The following CFTR variants were observed in gnomAD, a reference collection of about 807,000 sequenced individuals.
CFTR encodes the protein cystic fibrosis transmembrane conductance regulator.
CFTR carries 181 observed loss-of-function variants against 171.6 expected under a neutral mutation model. That is an observed-to-expected ratio of 1.05 (90% CI 0.93 to 1.19). The LOEUF is 1.19. Among genes scored for constraint, CFTR ranks in the 50% most tolerant of loss-of-function variants. CFTR has a pLI of 0.00. For synonymous variants in CFTR, 583 were observed against 608.0 expected (o/e 0.96, Z 0.60); for missense variants, 1,968 against 1,734.7 (o/e 1.13, Z -2.39).
At chr7:117,658,324 C>G (rs1793213573) in intron 24 of CFTR, among the ~76,000 whole-genome samples, 1 of 151,966 alleles carries the variant, frequency 6.6e-6, no homozygotes, top group African/African-American at 2.4e-5. Context: ...TAAAATGGGC[C>G]CAGCGCAGTG....
At chr7:117,486,856 G>A (rs187659741) in intron 1 of CFTR, among the ~76,000 whole-genome samples, 9 of 145,358 alleles carry the variant, frequency 6.2e-5, no homozygotes, top group Admixed American at 5.6e-4. Context: ...CTGAAAGAGT[G>A]GCCATGGTGG....
chr7:117,665,429 A>G lies in CFTR; in HGVS notation c.4137-30A>G, dbSNP rs772845434. On this transcript the variant is annotated intron_variant, in intron 25 of 26. Coordinates refer to ENST00000003084, the MANE Select transcript of CFTR (RefSeq NM_000492.4). ...ATACAGATCATTACTGTTCTGTGAT[A>G]TTATGTGTGGTATTTTCTTTCTTTT... 6.6e-6 allele frequency: 8 copies of G among 1,212,142 alleles called. No homozygotes were observed. In the East Asian group the frequency reaches 1.9e-4, roughly 28 times the overall value. The allele number at this position is 1,212,142 out of a possible 1,614,324, so 75.1% of individuals were successfully genotyped here.
At chr7:117,519,797 T>A (rs1203064762) in intron 3 of CFTR, among the ~76,000 whole-genome samples, 1 of 152,002 alleles carries the variant, frequency 6.6e-6, no homozygotes, top group Non-Finnish European at 1.5e-5. Context: ...CATGATTTAT[T>A]TAATCAGTTC....
rs1466453517 is a variant in CFTR at position 117,603,755 on chromosome 7, A to G, written c.2881A>G (p.Met961Val). Reference protein sequence around the residue: ...KMLHSVLQAPMSTLNTLKAGG... With the variant: ...KMLHSVLQAPVSTLNTLKAGG... ...GTTACATTCTGTTCTTCAAGCACCT[A>G]TGTCAACCCTCAACACGTTGAAAGC... Residue 961 changes from methionine to valine, a missense_variant, in exon 17 of 27, where the codon ATG becomes GTG. Coordinates refer to ENST00000003084, the MANE Select transcript of CFTR (RefSeq NM_000492.4). 6 of 1,613,990 alleles carry G rather than the reference A, an allele frequency of 3.7e-6. No individual in the cohort carries two copies. Among genetic ancestry groups the G allele is most frequent in the Non-Finnish European group, 5.1e-6 (6 of 1,179,910 alleles).
At chr7:117,500,955 C>G (rs1798316730) in intron 1 of CFTR, among the ~76,000 whole-genome samples, 1 of 152,126 alleles carries the variant, frequency 6.6e-6, no homozygotes, top group Admixed American at 6.5e-5. Flanking sequence ...AAAAGCAGCT[C>G]ACAAATTGTG....
intron 3 of CFTR, among the ~76,000 whole-genome samples, chr7:117,522,529 C>T (rs1202785918): frequency 2.0e-5 from 3 of 152,114 alleles, no homozygotes; most frequent in African/African-American, 7.2e-5. Flanking sequence ...TTGAAGTGAG[C>T]CATTAAGTGA....
At chr7:117,596,346 A>G (rs1274822989) in intron 15 of CFTR, among the ~76,000 whole-genome samples, 1 of 152,214 alleles carries the variant, frequency 6.6e-6, no homozygotes, top group Non-Finnish European at 1.5e-5. Context: ...CCTGCGGGGC[A>G]GGGCTCGGGA....
chr7:117,618,362 AC>A (rs1054910238), intron 21 of CFTR, among the ~76,000 whole-genome samples: 2 of 151,860 alleles, frequency 1.3e-5, no homozygotes, highest in African/African-American at 4.8e-5. Context: ...GGTGGCATGC[AC>A]CCAGCTACTT....
chr7:117,564,264 G>A (rs1791563816), intron 11 of CFTR, among the ~76,000 whole-genome samples: 1 of 152,186 alleles, frequency 6.6e-6, no homozygotes, highest in Non-Finnish European at 1.5e-5. Context: ...GACAGCACGT[G>A]ATTGCTGGGA....
chr7:117,510,355 T>C (rs990948452), intron 3 of CFTR, among the ~76,000 whole-genome samples: 7 of 152,190 alleles, frequency 4.6e-5, no homozygotes, highest in South Asian at 2.1e-4. Context: ...TTTTAGAAAA[T>C]AAGTTTTGCT....
chr7:117,617,574 CT>C (rs920059278), intron 21 of CFTR, among the ~76,000 whole-genome samples: 2 of 151,762 alleles, frequency 1.3e-5, no homozygotes, highest in Non-Finnish European at 2.9e-5. Flanking sequence ...TTTATTATAT[CT>C]TTTTTTAAAA....
Position 117,588,843 on chromosome 7 carries a change from C to G in CFTR, c.1679+1010C>G, listed in dbSNP as rs192437351. ...CAGTTTGAACCAGGTCCTTTTGATT[C>G]TTTACATTAAACCATGCTTTGATCT... On this transcript the variant is annotated intron_variant, in intron 12 of 26. Transcript: ENST00000003084. 2.2e-3 allele frequency among the ~76,000 whole-genome samples: 342 copies of G among 152,174 alleles called. 5 individuals carry two copies. The highest frequency in any genetic ancestry group is 7.7e-3 in the African/African-American group (320 of 41,538).
rs1799024831 is a variant in CFTR at position 117,540,153 on chromosome 7, C to T, written c.923C>T (p.Ser308Leu). ...KAAYVRYFNS[S>L]AFFFSGFFVV... ...GCCTATGTGAGATACTTCAATAGCT[C>T]AGCCTTCTTCTTCTCAGGGTTCTTT... is the stretch of plus-strand genomic sequence containing the variant. The change falls in exon 8 of 27, where the codon TCA becomes TTA. Residue 308 changes from serine to leucine, a missense_variant. Transcript: ENST00000003084. The T allele has an allele frequency of 1.2e-6, 2 of 1,613,582 alleles. No homozygotes were observed. The highest frequency in any genetic ancestry group is 1.7e-5 in the Admixed American group (1 of 59,978).
chr7:117,533,452 G>A (rs1343541840), intron 4 of CFTR, among the ~76,000 whole-genome samples: 3 of 151,976 alleles, frequency 2.0e-5, no homozygotes, highest in Non-Finnish European at 4.4e-5. Context: ...TTATATACTA[G>A]GTCGCCTTGA....
At chr7:117,562,427 G>A (rs1467927422) in intron 11 of CFTR, among the ~76,000 whole-genome samples, 1 of 152,110 alleles carries the variant, frequency 6.6e-6, no homozygotes, top group Non-Finnish European at 1.5e-5. Flanking sequence ...AAATACGGTA[G>A]TTCTGTGTGA....
At chr7:117,561,995 T>C (rs767930245) in intron 11 of CFTR, among the ~76,000 whole-genome samples, 2 of 152,060 alleles carry the variant, frequency 1.3e-5, no homozygotes, top group Non-Finnish European at 1.5e-5. Context: ...AAAGATTAGA[T>C]TGATGTGAAG....
chr7:117,573,283 AAAGT>A (rs1791723379), intron 11 of CFTR, among the ~76,000 whole-genome samples: 1 of 152,190 alleles, frequency 6.6e-6, no homozygotes. Context: ...CCTTAATAAT[AAAGT>A]AAGTTAATCT....
intron 4 of CFTR, among the ~76,000 whole-genome samples, chr7:117,533,892 G>T (rs902419671): frequency 1.3e-5 from 2 of 151,830 alleles, no homozygotes; most frequent in African/African-American, 4.8e-5. Flanking sequence ...GTTAGTATAG[G>T]ACTACATGAA....
At chr7:117,666,361 C>T (rs2116224896) in intron 26 of CFTR, among the ~76,000 whole-genome samples, 1 of 152,248 alleles carries the variant, frequency 6.6e-6, no homozygotes, top group South Asian at 2.1e-4. Flanking sequence ...CTTGTTATTA[C>T]CATGATTATC....
Sources: gnomAD v4.1 joint callset for allele counts (sites outside exome capture counted in the v4.1 genomes callset) on GRCh38, gnomAD v4.1.1 for gene constraint, MANE v1.5 for transcripts, NCBI Gene and HGNC (gene_info 2026-07-23, HGNC 2026-07-21) for gene names.